DIP2C: variants seen among roughly 807,000 people sequenced by gnomAD.
The protein encoded by DIP2C is disco-interacting protein 2 homolog C.
DIP2C carries 33 observed loss-of-function variants against 192.4 expected under a neutral mutation model. The ratio of observed to expected loss-of-function variants is 0.17; its 90% CI spans 0.13 to 0.23. The LOEUF is 0.23. DIP2C is among the 10% of genes least tolerant of loss of function. The pLI is 1.00. For missense variants in DIP2C, 1,537 were observed against 2,110.1 expected (o/e 0.73, Z 5.32); for synonymous variants, 979 against 864.1 (o/e 1.13, Z -2.33).
In DIP2C at chr10:415,854, G is replaced by T. The variant is rs924424147; in HGVS notation, c.774C>A (p.Ile258=). The T allele has an allele frequency of 6.2e-7, 1 of 1,613,876 alleles. No individual in the cohort carries two copies. Among genetic ancestry groups the T allele is most frequent in the Non-Finnish European group, 8.5e-7 (1 of 1,179,984 alleles). ...VPVSSRVSAK[I]QQLVNTLKRP... ...GTTTGAGGGTATTGACAAGCTGCTG[G>T]ATTTTTGCTGACACCCGGCTACTTA... The change falls in exon 7 of 37, where the codon ATC becomes ATA. Residue 258 remains isoleucine, a synonymous_variant. Transcript: ENST00000280886.
At chr10:434,685 TTC>T (rs1238623352) in intron 4 of DIP2C, among the ~76,000 whole-genome samples, 5 of 151,288 alleles carry the variant, frequency 3.3e-5, no homozygotes, top group Admixed American at 6.6e-5. Flanking sequence ...TTCTCAATTT[TTC>T]TCTGAGAAAG....
At chr10:326,871 G>T (rs556459427) in intron 31 of DIP2C, 135 bp downstream of exon 31, 1 of 1,041,910 alleles carries the variant, frequency 9.6e-7, no homozygotes, top group Non-Finnish European at 1.3e-6. Context: ...TGCACCAACC[G>T]CATGCGTGTG....
rs150801132 is a variant in DIP2C at position 275,746 on chromosome 10, A to G, written c.*1579T>C. 3.7e-4 allele frequency: 56 copies of G among 152,210 alleles called. No homozygotes were observed. The highest frequency in any genetic ancestry group is 1.6e-3 in the Admixed American group (25 of 15,294). 9.4% of individuals were successfully genotyped at this position (152,210 alleles called of 1,614,324 possible). Reference sequence around the variant, plus strand: ...CTTCTTGGTTGGACACCGTGGGCCAATTCAATTTAGAAGTGCACAGGTGAG... The same window carrying G: ...CTTCTTGGTTGGACACCGTGGGCCAGTTCAATTTAGAAGTGCACAGGTGAG... On this transcript the variant is annotated 3_prime_UTR_variant, in exon 37 of 37. Coordinates refer to ENST00000280886, the MANE Select transcript of DIP2C (RefSeq NM_014974.3).
At chr10:514,098 G>C (rs769060542) in intron 1 of DIP2C, among the ~76,000 whole-genome samples, 1 of 152,208 alleles carries the variant, frequency 6.6e-6, no homozygotes, top group African/African-American at 2.4e-5. Context: ...ATGTGTAACA[G>C]GAATGCTGGC....
At chr10:380,650 A>C (rs1038012787) in intron 17 of DIP2C, among the ~76,000 whole-genome samples, 1 of 152,248 alleles carries the variant, frequency 6.6e-6, no homozygotes, top group Admixed American at 6.5e-5. Context: ...TTTAAAAAAC[A>C]TAAGGAGTAA....
chr10:367,931 C>T (rs959177693), intron 18 of DIP2C, among the ~76,000 whole-genome samples: 2 of 150,482 alleles, frequency 1.3e-5, no homozygotes, highest in African/African-American at 4.9e-5. Flanking sequence ...CCCGGGAAGC[C>T]CGCGGTTGCT....
intron 32 of DIP2C, among the ~76,000 whole-genome samples, chr10:291,683 G>A (rs900763038): frequency 2.0e-5 from 3 of 152,190 alleles, no homozygotes; most frequent in African/African-American, 4.8e-5. Flanking sequence ...TGTGCTGCTC[G>A]GTGCTGACTT....
At chr10:579,674 C>A (rs145908464) in intron 1 of DIP2C, among the ~76,000 whole-genome samples, 2 of 151,892 alleles carry the variant, frequency 1.3e-5, no homozygotes, top group Non-Finnish European at 2.9e-5. Flanking sequence ...AGTGTATGTA[C>A]GTAAGTGCAG....
At chr10:613,901 C>T (rs975277911) in intron 1 of DIP2C, among the ~76,000 whole-genome samples, 1 of 152,164 alleles carries the variant, frequency 6.6e-6, no homozygotes, top group African/African-American at 2.4e-5. Context: ...CTCCCCACAG[C>T]TGGAAACACC....
intron 1 of DIP2C, among the ~76,000 whole-genome samples, chr10:570,515 C>T (rs1009237523): frequency 2.0e-5 from 3 of 152,132 alleles, no homozygotes; most frequent in African/African-American, 7.2e-5. Flanking sequence ...TTTCCCGCAG[C>T]CCAGAGGCCT....
At chr10:399,796 T>A (rs560069521) in intron 9 of DIP2C, among the ~76,000 whole-genome samples, 2 of 152,206 alleles carry the variant, frequency 1.3e-5, no homozygotes, top group South Asian at 4.1e-4. Flanking sequence ...GGAGGCTGAC[T>A]ATGAGTAAAG....
chr10:586,089 G>A (rs1278067161), intron 1 of DIP2C, among the ~76,000 whole-genome samples: 2 of 152,136 alleles, frequency 1.3e-5, no homozygotes, highest in African/African-American at 2.4e-5. Context: ...ACCAACCAAG[G>A]CAAAGTAAGG....
rs2133141456 is a variant in DIP2C, at chr10:418,989, C to T, written c.739+76G>A. ...GATTGTACCCCAGGAAGAAACACAT[C>T]CAGTCATGGGCACGGAACGGGACGT... On this transcript the variant is annotated intron_variant, in intron 6 of 36. Coordinates refer to ENST00000280886, the MANE Select transcript of DIP2C (RefSeq NM_014974.3). The T allele has an allele frequency of 3.8e-6, 6 of 1,587,804 alleles. No individual in the cohort carries two copies. The East Asian group carries it at 6.7e-5, about 18-fold the overall frequency.
At chr10:356,221 C>T (rs754567306) in intron 24 of DIP2C, 24 of 650,354 alleles carry the variant, frequency 3.7e-5, no homozygotes, top group Non-Finnish European at 1.9e-5. Context: ...TATCTGTACA[C>T]ACAAATAGGT....
At chr10:466,265 C>T (rs1157510527) in intron 3 of DIP2C, among the ~76,000 whole-genome samples, 5 of 151,282 alleles carry the variant, frequency 3.3e-5, no homozygotes, top group Admixed American at 3.3e-4. Flanking sequence ...CTTTGACAAA[C>T]CTGAGAAAAA....
At chr10:500,173 G>A (rs1255147685) in intron 1 of DIP2C, among the ~76,000 whole-genome samples, 1 of 152,240 alleles carries the variant, frequency 6.6e-6, no homozygotes, top group East Asian at 1.9e-4. Flanking sequence ...CAGGCAATGT[G>A]CCAGCTTCCC....
At chr10:557,768 G>A (rs1230947117) in intron 1 of DIP2C, among the ~76,000 whole-genome samples, 1 of 53,514 alleles carries the variant, frequency 1.9e-5, no homozygotes, top group East Asian at 7.1e-4. Flanking sequence ...GGGAGGGGGA[G>A]GATGGGCGGG....
At chr10:407,842 C>T (rs534752769) in intron 9 of DIP2C, among the ~76,000 whole-genome samples, 2 of 152,232 alleles carry the variant, frequency 1.3e-5, no homozygotes, top group East Asian at 3.9e-4. Context: ...TCTCTGTTGG[C>T]AAATAATTTG....
At chr10:434,262 A>C (rs1966995006) in intron 4 of DIP2C, among the ~76,000 whole-genome samples, 1 of 152,134 alleles carries the variant, frequency 6.6e-6, no homozygotes, top group Non-Finnish European at 1.5e-5. Flanking sequence ...TTTTTCTCCT[A>C]CCTTCACTGT....
Sources: allele counts gnomAD v4.1 joint callset (sites outside exome capture counted in the v4.1 genomes callset), GRCh38; gene constraint gnomAD v4.1.1; transcripts MANE v1.5; gene names NCBI Gene and HGNC (gene_info 2026-07-23, HGNC 2026-07-21).